Variants in ZNF385D observed in about 807,000 individuals in gnomAD.
ZNF385D encodes the protein zinc finger protein 659.
Under a neutral mutation model 35.8 loss-of-function variants are expected in ZNF385D, and 15 were observed. That is an observed-to-expected ratio of 0.42 (90% CI 0.28 to 0.64). The LOEUF (loss-of-function observed/expected upper bound fraction) is 0.64, where lower values mean the gene tolerates loss of function less well. Ranked by LOEUF, ZNF385D falls within the 30% of genes least tolerant of loss-of-function variation. The pLI, the probability that ZNF385D is intolerant of heterozygous loss-of-function variation, is 0.23. For missense variants in ZNF385D, 474 were observed against 494.6 expected (o/e 0.96, Z 0.39); for synonymous variants, 212 against 186.8 (o/e 1.13, Z -1.10).
chr3:21,666,658 T>G (rs1197676797), intron 1 of ZNF385D, among the ~76,000 whole-genome samples: 2 of 152,198 alleles, frequency 1.3e-5, no homozygotes, highest in Non-Finnish European at 2.9e-5. Flanking sequence ...GTGTAACCAT[T>G]TTTAGAGAGG....
intron 3 of ZNF385D, among the ~76,000 whole-genome samples, chr3:21,850,382 A>T (rs1047004769): frequency 5.9e-5 from 9 of 152,110 alleles, no homozygotes; most frequent in Admixed American, 5.9e-4. Flanking sequence ...GTATTTACAG[A>T]AGATGGGATA....
At chr3:22,069,323 C>A (rs1321229979) in intron 3 of ZNF385D, among the ~76,000 whole-genome samples, 1 of 152,048 alleles carries the variant, frequency 6.6e-6, no homozygotes, top group Non-Finnish European at 1.5e-5. Context: ...AATGACCAAA[C>A]AAATCAAGCT....
At chr3:21,895,193 C>T (rs1051212456) in intron 3 of ZNF385D, among the ~76,000 whole-genome samples, 1 of 151,918 alleles carries the variant, frequency 6.6e-6, no homozygotes, top group Non-Finnish European at 1.5e-5. Context: ...GATTAGAGTT[C>T]ACCAGGGTAA....
chr3:21,670,084 A>G (rs1387835954), intron 1 of ZNF385D, among the ~76,000 whole-genome samples: 1 of 152,126 alleles, frequency 6.6e-6, no homozygotes. Flanking sequence ...ATGATCACGG[A>G]TTGCCACTGT....
chr3:22,237,864 G>C (rs931089162), intron 2 of ZNF385D, among the ~76,000 whole-genome samples: 1 of 143,252 alleles, frequency 7.0e-6, no homozygotes, highest in Admixed American at 6.9e-5. Flanking sequence ...TGATGGTCTC[G>C]ATCTCCTGAT....
At chr3:21,511,850 T>C (rs1022467378) in intron 3 of ZNF385D, 1 of 452,646 alleles carries the variant, frequency 2.2e-6, no homozygotes, top group Non-Finnish European at 4.4e-6. Context: ...GGGAGCGGTA[T>C]AGTGAAATAC....
chr3:21,454,584 G>A (rs1034053649), intron 4 of ZNF385D, among the ~76,000 whole-genome samples: 4 of 152,084 alleles, frequency 2.6e-5, no homozygotes, highest in Non-Finnish European at 4.4e-5. Flanking sequence ...TTGATGGGAC[G>A]TATCTCAAAA....
chr3:21,436,865 C>T, intron 5 of ZNF385D, 105 bp downstream of exon 5: 3 of 1,030,146 alleles, frequency 2.9e-6, no homozygotes, highest in East Asian at 2.5e-5. Flanking sequence ...GTAATAATTG[C>T]CAGTTTTCCT....
intron 3 of ZNF385D, among the ~76,000 whole-genome samples, chr3:21,956,122 G>A (rs1702272709): frequency 6.6e-6 from 1 of 152,006 alleles, no homozygotes; most frequent in South Asian, 2.1e-4. Flanking sequence ...AGGAGATAGA[G>A]GCTGCAGTGA....
At chr3:21,532,941 C>G (rs163487) in intron 3 of ZNF385D, among the ~76,000 whole-genome samples, 122,985 of 152,182 alleles carry the variant, frequency 0.81, 49,917 homozygotes, top group East Asian at 0.89. Flanking sequence ...TGATTTTAGA[C>G]AGTTCATGCA....
At chr3:22,266,334 A>G (rs1054683064) in intron 2 of ZNF385D, among the ~76,000 whole-genome samples, 4 of 151,936 alleles carry the variant, frequency 2.6e-5, no homozygotes, top group South Asian at 2.1e-4. Context: ...GTATTTCTTA[A>G]TGCACATCTC....
At position 22,260,976 on chromosome 3, in the gene ZNF385D, C is replaced by A. The variant is rs73821344; in HGVS notation, c.107-91941G>T. On this transcript the variant is annotated intron_variant, in intron 2 of 5. Transcript: ENST00000494108. ...TATTTATCACGGAATTCTTCAGAAA[C>A]TTAAAAAATTTAAAGTGGCATTTTA... is the stretch of plus-strand genomic sequence containing the variant. 9.8e-3 allele frequency among the ~76,000 whole-genome samples: 1,485 copies of A among 152,002 alleles called. 29 individuals carry two copies. Among genetic ancestry groups the A allele is most frequent in the African/African-American group, 0.034 (1,418 of 41,482 alleles).
chr3:21,967,907 A>T (rs1703000368), intron 3 of ZNF385D, among the ~76,000 whole-genome samples: 1 of 152,230 alleles, frequency 6.6e-6, no homozygotes, highest in South Asian at 2.1e-4. Context: ...AAGAACTAAA[A>T]ATCAGGTGAG....
chr3:22,184,894 C>G (rs114002732), intron 2 of ZNF385D, among the ~76,000 whole-genome samples: 1 of 152,038 alleles, frequency 6.6e-6, no homozygotes, highest in Non-Finnish European at 1.5e-5. Flanking sequence ...TCCATAGATA[C>G]CTGTTTTTAA....
chr3:21,435,099 A>G (rs548538997), intron 5 of ZNF385D, among the ~76,000 whole-genome samples: 1 of 152,090 alleles, frequency 6.6e-6, no homozygotes, highest in African/African-American at 2.4e-5. Context: ...GCTTGGGTAC[A>G]TACATTTTTA....
In ZNF385D at chr3:21,490,643, G is replaced by A. The variant is rs532348324; in HGVS notation, c.439+20218C>T. On this transcript the variant is annotated intron_variant, in intron 4 of 7. Transcript: ENST00000281523. ...AATATGTATGGAGAGGTCACTAGTG[G>A]GTACTCTGGCAGACAGCCCCAGCTG... Among the ~76,000 whole-genome samples, 6 of 152,222 alleles carry A rather than the reference G, an allele frequency of 3.9e-5. No homozygotes were observed. In the South Asian group the frequency reaches 1.2e-3, roughly 32 times the overall value.
intron 4 of ZNF385D, among the ~76,000 whole-genome samples, chr3:21,476,926 G>A (rs1704284644): frequency 6.6e-6 from 1 of 152,050 alleles, no homozygotes; most frequent in Admixed American, 6.6e-5. Flanking sequence ...TTTCATCACT[G>A]GAGGAGTCCG....
rs191453997 is a variant in ZNF385D at position 21,684,344 on chromosome 3, C to T, written c.23-19316G>A. Among the ~76,000 whole-genome samples, 36 of 124,884 alleles carry T rather than the reference C, an allele frequency of 2.9e-4. 2 individuals carry two copies. The East Asian group carries it at 9.7e-3, about 33-fold the overall frequency. 81.9% of individuals were successfully genotyped at this position (124,884 alleles called of 152,430 possible). ...TTTGACAAACTTCACCACACTAAAG[C>T]CATAAATGGTTAACTGTTCTCCTCT... On this transcript the variant is annotated intron_variant, in intron 1 of 7. Transcript: ENST00000281523.
At chr3:21,750,350 A>G (rs1187109139) in intron 1 of ZNF385D, among the ~76,000 whole-genome samples, 5 of 152,188 alleles carry the variant, frequency 3.3e-5, no homozygotes, top group African/African-American at 1.2e-4. Context: ...AATAATATGC[A>G]TTTTGTGCTA....
Sources: gnomAD v4.1 joint callset for allele counts (sites outside exome capture counted in the v4.1 genomes callset) on GRCh38, gnomAD v4.1.1 for gene constraint, MANE v1.5 for transcripts, NCBI Gene and HGNC (gene_info 2026-07-23, HGNC 2026-07-21) for gene names.